The following REPIN1 variants were observed in gnomAD, a reference collection of about 807,000 sequenced individuals.
The protein encoded by REPIN1 is DNA-binding protein REPIN1.
In REPIN1, 4 loss-of-function variants were observed where a neutral mutation model predicts 5.7. The observed-to-expected ratio is 0.71, with a 90% CI of 0.35 to 1.62. REPIN1 has a LOEUF of 1.62. Ranked by LOEUF, REPIN1 falls within the 40% of genes most tolerant of loss-of-function variation. REPIN1 has a pLI of 0.05. For synonymous variants in REPIN1, 410 were observed against 386.2 expected (o/e 1.06, Z -0.72); for missense variants, 854 against 901.0 (o/e 0.95, Z 0.67).
upstream of REPIN1, chr7:150,368,373 G>C (rs1190216294): frequency 1.3e-5 from 2 of 151,712 alleles, no homozygotes; most frequent in South Asian, 2.1e-4. Context: ...CACTGCGGCC[G>C]GGGTGCGCGG....
chr7:150,371,886 G>T lies in REPIN1; in HGVS notation c.816G>T (p.Arg272=), dbSNP rs376984561. 50 of 1,605,882 alleles carry T rather than the reference G, an allele frequency of 3.1e-5. No individual in the cohort carries two copies. The highest frequency in any genetic ancestry group is 3.7e-5 in the Non-Finnish European group (43 of 1,177,064). The change falls in exon 3 of 3, where the codon CGG becomes CGT. Residue 272 remains arginine, a synonymous_variant. Coordinates refer to ENST00000489432, the MANE Select transcript of REPIN1 (RefSeq NM_001099695.2). ...EEAAAKALGP[R]PRGRPAVTAP... Reference sequence around the variant, plus strand: ...CCGCAGCCAAGGCTCTGGGGCCCCGGCCCAGGGGCCGCCCCGCGGTGACCG... The same window carrying T: ...CCGCAGCCAAGGCTCTGGGGCCCCGTCCCAGGGGCCGCCCCGCGGTGACCG...
At chr7:150,368,572 C>A (rs1478890388), upstream of REPIN1, among the ~76,000 whole-genome samples, 1 of 152,136 alleles carries the variant, frequency 6.6e-6, no homozygotes, top group African/African-American at 2.4e-5. Context: ...TGAGCTCCGG[C>A]CAGTCCCAGA....
chr7:150,371,272 GC>G lies in REPIN1; in HGVS notation c.204del (p.Met69TrpfsTer27). The G allele has an allele frequency of 6.2e-7, 1 of 1,601,068 alleles. No individual in the cohort carries two copies. Among genetic ancestry groups the G allele is most frequent in the South Asian group, 1.1e-5 (1 of 89,412 alleles). On this transcript the variant is annotated frameshift_variant, in exon 3 of 3. Transcript: ENST00000489432. LOFTEE classifies it low-confidence loss of function (END_TRUNC). Reference sequence around the variant, plus strand: ...GGAACGTCGTTGCAGGGGCCCCCTGGCCATGGGCCTGGCCCAGCCCCGACTC... The same window carrying G: ...GGAACGTCGTTGCAGGGGCCCCCTGGCATGGGCCTGGCCCAGCCCCGACTC... The part of the protein sequence containing the change: ...MLERRCRGPL[A>X]MGLAQPRLLS...
chr7:150,371,670 G>T lies in REPIN1; in HGVS notation c.600G>T (p.Arg200=), dbSNP rs1799768815. 6.2e-7 allele frequency: 1 copy of T among 1,605,210 alleles called. No individual in the cohort carries two copies. The highest frequency in any genetic ancestry group is 8.5e-7 in the Non-Finnish European group (1 of 1,179,588). Residue 200 remains arginine (R), a synonymous_variant, in exon 3 of 3, where the codon CGG becomes CGT. Transcript: ENST00000489432. The part of the protein sequence containing the change: ...LHLRAHSAAK[R]PIACPKCERR... ...TGCGGGCCCATTCAGCTGCAAAGCGGCCCATCGCTTGTCCCAAATGCGAGA... is the reference window on the plus strand; with the variant it reads ...TGCGGGCCCATTCAGCTGCAAAGCGTCCCATCGCTTGTCCCAAATGCGAGA...
intron 2 of REPIN1, 89 bp downstream of exon 2, chr7:150,369,957 C>T: frequency 6.9e-7 from 1 of 1,456,120 alleles, no homozygotes; most frequent in Non-Finnish European, 9.3e-7. Context: ...ATGGCCCTTT[C>T]TCATATCCTG....
chr7:150,371,852 T>A lies in REPIN1; in HGVS notation c.782T>A (p.Leu261Gln). 6.2e-7 allele frequency: 1 copy of A among 1,605,790 alleles called. No individual in the cohort carries two copies. Among genetic ancestry groups the A allele is most frequent in the Non-Finnish European group, 8.5e-7 (1 of 1,176,662 alleles). The stretch of plus-strand genomic sequence containing the variant: ...AAGCGGGTGCACGTAGCTGAGGCCC[T>A]GGAGGAGGCCGCAGCCAAGGCTCTG... ...AHKRVHVAEA[L>Q]EEAAAKALGP... Residue 261 changes from leucine to glutamine, a missense_variant, in exon 3 of 3, where the codon CTG becomes CAG. By Grantham distance (113) the Leu-to-Gln change is moderately radical (BLOSUM62 -2). This residue lies in a region of REPIN1 where 409 missense variants were observed against 418.6 expected (regional missense o/e 0.98). Transcript: ENST00000489432.
rs1313966398 is a variant in REPIN1 at position 150,371,814 on chromosome 7, G to T, written c.744G>T (p.Gln248His). 6.2e-7 allele frequency: 1 copy of T among 1,609,912 alleles called. No homozygotes were observed. ...NCGRSFAQWD[Q>H]LVAHKRVHVA... ...GCCGGAGCTTTGCCCAGTGGGACCAGCTAGTTGCCCACAAGCGGGTGCACG... is the reference window on the plus strand; with the variant it reads ...GCCGGAGCTTTGCCCAGTGGGACCATCTAGTTGCCCACAAGCGGGTGCACG... Residue 248 changes from glutamine (Q) to histidine (H), a missense_variant, in exon 3 of 3, where the codon CAG becomes CAT. Gln to His is a conservative substitution (Grantham distance 24). Coordinates refer to ENST00000489432, the MANE Select transcript of REPIN1 (RefSeq NM_001099695.2).
chr7:150,371,143 C>T (rs2129619998), intron 2 of REPIN1, 85 bp from the exon 3 acceptor site: 1 of 1,440,898 alleles, frequency 6.9e-7, no homozygotes, highest in Non-Finnish European at 9.2e-7. Context: ...TAGATGGCAG[C>T]TCCTGTCCGG....
At chr7:150,368,676 CTTGGCGGGGGCGCCCGCG>C (rs1799086876), upstream of REPIN1, 2 of 218,478 alleles carry the variant, frequency 9.2e-6, no homozygotes, top group East Asian at 2.3e-4. Flanking sequence ...CCGGCCCGCT[CTTGGCGGGGGCGCCCGCG>C]CCCCGGCCCC....
Position 150,372,618 on chromosome 7 carries a change from C to T in REPIN1, c.1548C>T (p.Phe516=), listed in dbSNP as rs747203084. 3.1e-5 allele frequency: 50 copies of T among 1,609,768 alleles called. No individual in the cohort carries two copies. The highest frequency in any genetic ancestry group is 3.8e-5 in the Non-Finnish European group (45 of 1,179,518). The change falls in exon 3 of 3, where the codon TTC becomes TTT. Residue 516 remains phenylalanine, a synonymous_variant. Transcript: ENST00000489432. The stretch of plus-strand genomic sequence containing the variant: ...GCGACCACGCCCCCGATCGGCCCTT[C>T]GTGTGTCCCGACTGCGGCAAGGCCT... The part of the protein sequence containing the change: ...HRRDHAPDRP[F]VCPDCGKAFR...
intron 2 of REPIN1, 188 bp downstream of exon 2, chr7:150,370,056 G>A (rs1160314201): frequency 3.0e-6 from 2 of 674,826 alleles, no homozygotes; most frequent in Non-Finnish European, 4.8e-6. Flanking sequence ...AATTTAGAAG[G>A]ATGTGTCTGG....
chr7:150,371,220 A>T lies in REPIN1; in HGVS notation c.158-8A>T, dbSNP rs758486495. On this transcript the variant is annotated splice_region_variant and splice_polypyrimidine_tract_variant and intron_variant, in intron 2 of 2. Transcript: ENST00000489432. ...GTCTCTGGAGTGACTGTGCTTTTCC[A>T]CCCTCAGCAGAGGAAGAACCGATGC... 6.4e-7 allele frequency: 1 copy of T among 1,574,266 alleles called. No individual in the cohort carries two copies. The highest frequency in any genetic ancestry group is 1.2e-5 in the South Asian group (1 of 85,256).
In REPIN1 at chr7:150,372,797, A is replaced by C; in HGVS notation, c.1727A>C (p.Asp576Ala). The part of the protein sequence containing the change: ...HTGERPYACP[D>A]CDRSFSQKSN... ...GGCGAGCGGCCCTACGCCTGTCCCG[A>C]CTGCGACCGCAGCTTCAGCCAGAAG... Residue 576 changes from aspartate to alanine, a missense_variant, in exon 3 of 3, where the codon GAC (aspartate) becomes GCC (alanine). Asp to Ala is a moderately radical substitution (Grantham distance 126). Transcript: ENST00000489432. 6.2e-7 allele frequency: 1 copy of C among 1,612,206 alleles called. No homozygotes were observed. The highest frequency in any genetic ancestry group is 1.3e-5 in the African/African-American group (1 of 75,048).
rs1173626828 is a variant in REPIN1, at chr7:150,373,871, T to C, written c.*926T>C. The stretch of plus-strand genomic sequence containing the variant: ...CTTCCGCACCTCCTGAGGCCCTGGA[T>C]GATTCTAATTGTTAGAAATTCTAAT... On this transcript the variant is annotated 3_prime_UTR_variant, in exon 3 of 3. Coordinates refer to ENST00000489432, the MANE Select transcript of REPIN1 (RefSeq NM_001099695.2). The C allele has an allele frequency of 6.0e-6, 1 of 167,098 alleles. No homozygotes were observed. Among genetic ancestry groups the C allele is most frequent in the Admixed American group, 6.5e-5 (1 of 15,292 alleles). 10.4% of individuals were successfully genotyped at this position (167,098 alleles called of 1,614,324 possible).
Position 150,371,240 on chromosome 7 carries a change from C to A in REPIN1, c.170C>A (p.Pro57Gln), listed in dbSNP as rs750943265. 1.3e-6 allele frequency: 2 copies of A among 1,593,880 alleles called. No homozygotes were observed. Among genetic ancestry groups the A allele is most frequent in the South Asian group, 1.1e-5 (1 of 88,716 alleles). Residue 57 changes from proline (P) to glutamine (Q), a missense_variant, in exon 3 of 3, where the codon CCG becomes CAG. By Grantham distance (76) the Pro-to-Gln change is moderately conservative (BLOSUM62 -1). Transcript: ENST00000489432. ...TTTCCACCCTCAGCAGAGGAAGAAC[C>A]GATGCTGGAACGTCGTTGCAGGGGC... ...QLCSLQAEEE[P>Q]MLERRCRGPL...
chr7:150,368,671 C>T (rs1246783367), upstream of REPIN1: 2 of 213,650 alleles, frequency 9.4e-6, no homozygotes, highest in Non-Finnish European at 1.8e-5. Flanking sequence ...GTGACCCGGC[C>T]CGCTCTTGGC....
chr7:150,369,404 ACT>A, intron 1 of REPIN1: 1 of 467,194 alleles, frequency 2.1e-6, no homozygotes, highest in South Asian at 2.2e-5. Flanking sequence ...GAAAGCCCAG[ACT>A]CTGGCCACAG....
Position 150,372,518 on chromosome 7 carries a change from C to A in REPIN1, c.1448C>A (p.Ser483Tyr). The stretch of plus-strand genomic sequence containing the variant: ...CTGGTGGCGCACTCGCGCGTGCACT[C>A]CGGCGAGCGGCCCTTCGCCTGCGAG... ...THLVAHSRVH[S>Y]GERPFACEEC... Residue 483 changes from serine to tyrosine, a missense_variant, in exon 3 of 3, where the codon TCC becomes TAC. Physicochemically the swap from Ser to Tyr is moderately radical, Grantham distance 144 (BLOSUM62 -2). This residue lies in a region of REPIN1 where 327 missense variants were observed against 307.8 expected (regional missense o/e 1.06). Transcript: ENST00000489432. The A allele has an allele frequency of 6.4e-7, 1 of 1,554,910 alleles. No homozygotes were observed. Among genetic ancestry groups the A allele is most frequent in the South Asian group, 1.2e-5 (1 of 84,224 alleles).
At chr7:150,369,609 C>A in intron 1 of REPIN1, 62 bp from the exon 2 acceptor site, 1 of 1,491,320 alleles carries the variant, frequency 6.7e-7, no homozygotes, top group Non-Finnish European at 9.1e-7. Context: ...GGTGAGGACA[C>A]AAAGCTGACT....
Sources: allele counts gnomAD v4.1 joint callset (sites outside exome capture counted in the v4.1 genomes callset), GRCh38; gene constraint gnomAD v4.1.1; regional missense constraint gnomAD v4.1.1; transcripts MANE v1.5; gene names NCBI Gene and HGNC (gene_info 2026-07-23, HGNC 2026-07-21).